The following CDH18 variants were observed in gnomAD, a reference collection of about 807,000 sequenced individuals.
CDH18 encodes cadherin 18.
Under a neutral mutation model 67.9 loss-of-function variants are expected in CDH18, and 31 were observed. The observed-to-expected ratio is 0.46, with a 90% CI of 0.34 to 0.62. The LOEUF (loss-of-function observed/expected upper bound fraction) is 0.62, where lower values mean the gene tolerates loss of function less well. CDH18 is among the 20% of genes least tolerant of loss of function. The probability of loss-of-function intolerance (pLI) is 0.01; values close to 1 mark genes in which losing one functional copy is unlikely to be tolerated. For missense variants in CDH18, 890 were observed against 975.5 expected (o/e 0.91, Z 1.17); for synonymous variants, 362 against 347.2 (o/e 1.04, Z -0.48).
At chr5:20,185,355 A>G (rs1025869363) in intron 2 of CDH18, among the ~76,000 whole-genome samples, 11 of 152,028 alleles carry the variant, frequency 7.2e-5, no homozygotes, top group African/African-American at 2.7e-4. Context: ...CAGTATATTT[A>G]CAACACAGCA....
chr5:20,417,879 T>C (rs1226029620), intron 1 of CDH18, among the ~76,000 whole-genome samples: 1 of 152,124 alleles, frequency 6.6e-6, no homozygotes, highest in Non-Finnish European at 1.5e-5. Flanking sequence ...ATCATAGTAA[T>C]TAGACTTTTC....
chr5:19,919,126 C>T (rs569564092), intron 2 of CDH18, among the ~76,000 whole-genome samples: 1 of 152,182 alleles, frequency 6.6e-6, no homozygotes, highest in Admixed American at 6.5e-5. Flanking sequence ...CAGAGAGATT[C>T]CAGGTTGGTG....
intron 2 of CDH18, among the ~76,000 whole-genome samples, chr5:20,119,467 T>C (rs1053855401): frequency 6.6e-6 from 1 of 152,182 alleles, no homozygotes; most frequent in African/African-American, 2.4e-5. Context: ...TCTGTGTATG[T>C]GTCCTTATCT....
chr5:20,133,957 T>A (rs537873716), intron 2 of CDH18, among the ~76,000 whole-genome samples: 1 of 152,306 alleles, frequency 6.6e-6, no homozygotes, highest in East Asian at 1.9e-4. Flanking sequence ...CAACTTTTGA[T>A]AATGCCCCAC....
At chr5:19,665,277 G>A (rs1757750966) in intron 5 of CDH18, among the ~76,000 whole-genome samples, 1 of 151,932 alleles carries the variant, frequency 6.6e-6, no homozygotes, top group Admixed American at 6.6e-5. Flanking sequence ...ATTTTCTGGA[G>A]GAAAATTATT....
intron 1 of CDH18, among the ~76,000 whole-genome samples, chr5:20,260,933 T>C (rs1040766189): frequency 6.6e-5 from 10 of 152,178 alleles, no homozygotes; most frequent in Non-Finnish European, 1.0e-4. Flanking sequence ...GGTGGGATCA[T>C]AGTCCTGACC....
intron 2 of CDH18, among the ~76,000 whole-genome samples, chr5:20,078,688 C>T (rs538511540): frequency 2.6e-5 from 4 of 151,936 alleles, no homozygotes; most frequent in African/African-American, 4.8e-5. Context: ...CTGCAATCCC[C>T]GCCTCCTGGG....
chr5:20,425,886 A>G (rs777020642), intron 1 of CDH18, among the ~76,000 whole-genome samples: 3 of 150,744 alleles, frequency 2.0e-5, no homozygotes, highest in Non-Finnish European at 4.4e-5. Flanking sequence ...CTGGCTTGAT[A>G]AAACAGATGG....
chr5:20,040,368 A>G (rs1460405883), intron 2 of CDH18, among the ~76,000 whole-genome samples: 1 of 152,126 alleles, frequency 6.6e-6, no homozygotes, highest in Non-Finnish European at 1.5e-5. Context: ...AGAGCCTCAG[A>G]GGCAGGAGAA....
At chr5:20,368,517 G>A (rs894476035) in intron 1 of CDH18, among the ~76,000 whole-genome samples, 1 of 152,132 alleles carries the variant, frequency 6.6e-6, no homozygotes, top group African/African-American at 2.4e-5. Flanking sequence ...TGACACCATT[G>A]ACAGAGAAAT....
chr5:20,289,949 C>T lies in CDH18; in HGVS notation c.-579-34444G>A, dbSNP rs567807285. On this transcript the variant is annotated intron_variant, in intron 1 of 14. Coordinates refer to the CDH18 transcript ENST00000507958. ...CTTAGTTTTGTTGTTAATATCACTA[C>T]TTTGCCCACAAAAACTGTTGTAATT... 7.8e-4 allele frequency among the ~76,000 whole-genome samples: 118 copies of T among 152,160 alleles called. 1 individual carries two copies. The highest frequency in any genetic ancestry group is 1.3e-3 in the Non-Finnish European group (90 of 67,988).
chr5:19,888,065 T>A (rs902191069), intron 2 of CDH18, among the ~76,000 whole-genome samples: 4 of 152,130 alleles, frequency 2.6e-5, no homozygotes, highest in African/African-American at 9.7e-5. Context: ...ATTCCCTTAT[T>A]CTATTTGTCT....
intron 2 of CDH18, among the ~76,000 whole-genome samples, chr5:19,953,816 T>C (rs953060314): frequency 6.6e-6 from 1 of 152,034 alleles, no homozygotes; most frequent in Non-Finnish European, 1.5e-5. Flanking sequence ...AACTATGAGG[T>C]TGTTTTCCTG....
At chr5:20,071,386 C>T (rs1743468823) in intron 2 of CDH18, among the ~76,000 whole-genome samples, 1 of 152,050 alleles carries the variant, frequency 6.6e-6, no homozygotes, top group Non-Finnish European at 1.5e-5. Context: ...AAGCTAAACA[C>T]AGGGCACTCA....
rs552114292 is a variant in CDH18 at position 19,711,920 on chromosome 5, A to G, written c.643+9427T>C. ...GCAAATATACAGTAAGTATCCACCA[A>G]TGGATGACTGGATAAACAAAATGTG... On this transcript the variant is annotated intron_variant, in intron 5 of 12. Coordinates refer to ENST00000382275, the MANE Select transcript of CDH18 (RefSeq NM_004934.5). Among the ~76,000 whole-genome samples, 212 of 152,232 alleles carry G rather than the reference A, an allele frequency of 1.4e-3. 2 individuals are homozygous for G. The highest frequency in any genetic ancestry group is 0.014 in the Admixed American group (207 of 15,276).
At chr5:19,917,394 G>T (rs1791942523) in intron 2 of CDH18, among the ~76,000 whole-genome samples, 1 of 141,382 alleles carries the variant, frequency 7.1e-6, no homozygotes, top group Admixed American at 7.3e-5. Flanking sequence ...AGTCATATTT[G>T]CATGTTCTTT....
chr5:20,258,645 ATTTAAT>A (rs1400656184), intron 1 of CDH18, among the ~76,000 whole-genome samples: 1 of 152,128 alleles, frequency 6.6e-6, no homozygotes, highest in East Asian at 1.9e-4. Context: ...ATTTATTTGT[ATTTAAT>A]TTTAATTATT....
rs539145439 is a variant in CDH18, at chr5:19,752,159, G to A, written c.229-4923C>T. Among the ~76,000 whole-genome samples the A allele has an allele frequency of 2.4e-4, 36 of 152,282 alleles. 3 individuals are homozygous for A. The South Asian group carries it at 7.2e-3, about 31-fold the overall frequency. On this transcript the variant is annotated intron_variant, in intron 3 of 12. Coordinates refer to ENST00000382275, the MANE Select transcript of CDH18 (RefSeq NM_004934.5). ...AAGCCAAGCAAAATACAGGGGTAGAGGAAGCAGTGTCCATTCCTGCTTGGA... is the reference window on the plus strand; with the variant it reads ...AAGCCAAGCAAAATACAGGGGTAGAAGAAGCAGTGTCCATTCCTGCTTGGA...
intron 5 of CDH18, among the ~76,000 whole-genome samples, chr5:19,676,770 C>T (rs968523444): frequency 1.3e-5 from 2 of 151,974 alleles, no homozygotes; most frequent in African/African-American, 4.8e-5. Context: ...AAGAAGCACA[C>T]TGTGCATGCA....
Sources: allele counts gnomAD v4.1 joint callset (sites outside exome capture counted in the v4.1 genomes callset), GRCh38; gene constraint gnomAD v4.1.1; transcripts MANE v1.5; gene names NCBI Gene and HGNC (gene_info 2026-07-23, HGNC 2026-07-21).